PPP3R1: variants seen among roughly 807,000 people sequenced by gnomAD.
PPP3R1 encodes protein phosphatase 3 regulatory subunit B, alpha.
A neutral mutation model predicts 22.6 loss-of-function variants in PPP3R1; 5 were observed. The ratio of observed to expected loss-of-function variants is 0.22; its 90% confidence interval spans 0.12 to 0.46. PPP3R1 has a LOEUF of 0.46. Among genes scored for constraint, PPP3R1 ranks in the 20% least tolerant of loss-of-function variants. The probability of loss-of-function intolerance (pLI) is 0.99; values close to 1 mark genes in which losing one functional copy is unlikely to be tolerated. For synonymous variants in PPP3R1, 56 were observed against 65.2 expected (o/e 0.86, Z 0.68); for missense variants, 61 against 203.2 (o/e 0.30, Z 4.25).
Position 68,192,779 on chromosome 2 carries a change from C to G in PPP3R1, c.44-4089G>C, listed in dbSNP as rs6758169. Among the ~76,000 whole-genome samples the G allele has an allele frequency of 3.9e-5, 6 of 152,092 alleles. No individual in the cohort carries two copies. In the South Asian group the frequency reaches 1.2e-3, roughly 31 times the overall value. ...TACATTTTCTAGTGGCTTTCTAATA[C>G]AAAAAGTCTAAAGTCCTCGGCAATA... is the stretch of plus-strand genomic sequence containing the variant. On this transcript the variant is annotated intron_variant, in intron 2 of 5. Coordinates refer to ENST00000234310, the MANE Select transcript of PPP3R1 (RefSeq NM_000945.4).
chr2:68,246,812 C>T (rs1185413805), intron 1 of PPP3R1, among the ~76,000 whole-genome samples: 1 of 152,206 alleles, frequency 6.6e-6, no homozygotes, highest in Non-Finnish European at 1.5e-5. Flanking sequence ...TCCAGTTTCA[C>T]GGCTTCAACT....
chr2:68,196,382 T>G (rs1674773701), intron 2 of PPP3R1, among the ~76,000 whole-genome samples: 1 of 152,218 alleles, frequency 6.6e-6, no homozygotes, highest in Non-Finnish European at 1.5e-5. Flanking sequence ...TATAATGATC[T>G]TGTTGTGTAC....
intron 2 of PPP3R1, among the ~76,000 whole-genome samples, chr2:68,191,597 CGTT>C (rs1251755316): frequency 2.6e-5 from 4 of 152,106 alleles, no homozygotes; most frequent in East Asian, 1.9e-4. Context: ...CAATGCAACT[CGTT>C]GTTAAGTGAC....
intron 2 of PPP3R1, among the ~76,000 whole-genome samples, chr2:68,197,697 G>A (rs1674818276): frequency 6.6e-6 from 1 of 151,730 alleles, no homozygotes; most frequent in African/African-American, 2.4e-5. Context: ...TAAAAGATTT[G>A]TGAAATTCTC....
chr2:68,237,257 T>C (rs777403896), intron 1 of PPP3R1, among the ~76,000 whole-genome samples: 1 of 152,114 alleles, frequency 6.6e-6, no homozygotes, highest in Non-Finnish European at 1.5e-5. Context: ...TTCAATTGAT[T>C]CCTTAAAAAA....
chr2:68,189,323 C>A (rs560243024), intron 2 of PPP3R1, among the ~76,000 whole-genome samples: 1 of 151,992 alleles, frequency 6.6e-6, no homozygotes, highest in Non-Finnish European at 1.5e-5. Context: ...ACTTAACAAC[C>A]AAATAGCTAA....
At chr2:68,197,755 C>T (rs1674819466) in intron 2 of PPP3R1, among the ~76,000 whole-genome samples, 1 of 151,828 alleles carries the variant, frequency 6.6e-6, no homozygotes. Context: ...ATAGTATTTT[C>T]TCCCAGTCTG....
At position 68,252,208 on chromosome 2, in the gene PPP3R1, C is replaced by G; in HGVS notation, c.-81G>C. 1 of 1,222,056 alleles carries G rather than the reference C, an allele frequency of 8.2e-7. No individual in the cohort carries two copies. Among genetic ancestry groups the G allele is most frequent in the South Asian group, 2.2e-5 (1 of 45,480 alleles). The allele number at this position is 1,222,056 out of a possible 1,614,324, so 75.7% of individuals were successfully genotyped here. On this transcript the variant is annotated 5_prime_UTR_variant, in exon 1 of 6. Coordinates refer to ENST00000234310, the MANE Select transcript of PPP3R1 (RefSeq NM_000945.4). ...CAGGCTGGCTCGCAGGAAACGGCGG[C>G]GGCGGCCCAGCTGCGGCCCTCGGGT...
intron 1 of PPP3R1, among the ~76,000 whole-genome samples, chr2:68,231,957 C>T (rs1056120231): frequency 5.3e-5 from 8 of 151,570 alleles, no homozygotes; most frequent in Non-Finnish European, 8.8e-5. Context: ...AATTGCCAAT[C>T]TAATCTTAAG....
chr2:68,201,862 T>C (rs1281271143), intron 2 of PPP3R1, among the ~76,000 whole-genome samples: 2 of 152,206 alleles, frequency 1.3e-5, no homozygotes, highest in Non-Finnish European at 2.9e-5. Context: ...CGGACTCCTA[T>C]TCTTTTTAGG....
intron 2 of PPP3R1, among the ~76,000 whole-genome samples, chr2:68,198,349 A>G (rs1412618118): frequency 8.6e-5 from 4 of 46,500 alleles, no homozygotes; most frequent in Non-Finnish European, 1.6e-4. Flanking sequence ...GTACATGTAT[A>G]TGCATATATA....
At chr2:68,226,913 G>A (rs1055226893) in intron 1 of PPP3R1, among the ~76,000 whole-genome samples, 9 of 151,950 alleles carry the variant, frequency 5.9e-5, no homozygotes, top group African/African-American at 2.2e-4. Flanking sequence ...TTTATAATGA[G>A]TATTAAGCAT....
At chr2:68,184,837 C>T (rs1418053652) in intron 5 of PPP3R1, among the ~76,000 whole-genome samples, 1 of 152,166 alleles carries the variant, frequency 6.6e-6, no homozygotes, top group East Asian at 1.9e-4. Context: ...CCTGTAATCC[C>T]AATGCTTTGG....
chr2:68,208,590 T>G (rs1214554878), intron 2 of PPP3R1, among the ~76,000 whole-genome samples: 1 of 152,244 alleles, frequency 6.6e-6, no homozygotes, highest in East Asian at 1.9e-4. Context: ...TTTTATTTCA[T>G]GTTTTAAAAT....
intron 2 of PPP3R1, among the ~76,000 whole-genome samples, chr2:68,201,305 CTTT>C (rs1328495328): frequency 1.3e-5 from 2 of 152,124 alleles, no homozygotes; most frequent in African/African-American, 2.4e-5. Flanking sequence ...TAAGAGTCTT[CTTT>C]TACTTTCAGC....
chr2:68,198,264 T>C (rs1359347450), intron 2 of PPP3R1, among the ~76,000 whole-genome samples: 2 of 146,470 alleles, frequency 1.4e-5, no homozygotes, highest in Non-Finnish European at 3.0e-5. Context: ...TATGTATACA[T>C]ACATATGTGT....
intron 2 of PPP3R1, among the ~76,000 whole-genome samples, chr2:68,190,157 A>AT (rs1674631173): frequency 6.7e-6 from 1 of 149,922 alleles, no homozygotes. Flanking sequence ...TTCACACGTA[A>AT]TTCGTAAAGA....
chr2:68,181,127 C>T (rs546627154), intron 5 of PPP3R1, 117 bp from the exon 6 acceptor site: 4 of 935,572 alleles, frequency 4.3e-6, no homozygotes, highest in Non-Finnish European at 6.7e-6. Context: ...TGGTGGCTCA[C>T]ACCTGTAATC....
chr2:68,251,827 C>G (rs916673722), intron 1 of PPP3R1, among the ~76,000 whole-genome samples: 2 of 139,604 alleles, frequency 1.4e-5, no homozygotes, highest in Non-Finnish European at 3.1e-5. Flanking sequence ...CCGCGGGGGT[C>G]GATGCCGGGC....
Sources: allele counts gnomAD v4.1 joint callset (sites outside exome capture counted in the v4.1 genomes callset), GRCh38; gene constraint gnomAD v4.1.1; transcripts MANE v1.5; gene names NCBI Gene and HGNC (gene_info 2026-07-23, HGNC 2026-07-21).